Variants in FREM1 observed in about 807,000 individuals in gnomAD.
FREM1 encodes the protein FRAS1 related extracellular matrix 1, also known as FRAS1-related extracellular matrix protein 1.
In FREM1, 220 loss-of-function variants were observed where a neutral mutation model predicts 210.1. That is an observed-to-expected ratio of 1.05 (90% CI 0.94 to 1.17). FREM1 has a LOEUF of 1.17. FREM1 is among the 50% of genes most tolerant of loss of function. The pLI is 0.00. For missense variants in FREM1, 3,454 were observed against 2,675.5 expected (o/e 1.29, Z -6.42); for synonymous variants, 1,189 against 980.2 (o/e 1.21, Z -3.98).
intron 8 of FREM1, 71 bp downstream of exon 8, chr9:14,845,889 T>A: frequency 6.6e-6 from 10 of 1,507,674 alleles, no homozygotes; most frequent in Non-Finnish European, 9.1e-6. Context: ...TACATATATC[T>A]GTTAAATATA....
At chr9:14,779,935 G>T (rs952952613) in intron 24 of FREM1, among the ~76,000 whole-genome samples, 5 of 152,150 alleles carry the variant, frequency 3.3e-5, no homozygotes, top group African/African-American at 1.2e-4. Flanking sequence ...CAGGCAGAGA[G>T]ACATCATCAG....
intron 23 of FREM1, among the ~76,000 whole-genome samples, chr9:14,785,770 G>A (rs1563923920): frequency 6.6e-6 from 1 of 152,126 alleles, no homozygotes; most frequent in Non-Finnish European, 1.5e-5. Flanking sequence ...CAGGGAGGGG[G>A]AAATGAGGAG....
rs1469368763 is a variant in FREM1, at chr9:14,759,985, A to C, written c.5205-84T>G. 104 of 1,175,056 alleles carry C rather than the reference A, an allele frequency of 8.9e-5. 2 individuals are homozygous for C. In the South Asian group the frequency reaches 1.3e-3, roughly 15 times the overall value. The allele number at this position is 1,175,056 out of a possible 1,614,324, so 72.8% of individuals were successfully genotyped here. On this transcript the variant is annotated intron_variant, in intron 27 of 36. Transcript: ENST00000380880. ...CTCTGCTGAGCGGACTAGTGGAAAAACGTGGTTGATCAACCTACACCAGTG... is the reference window on the plus strand; with the variant it reads ...CTCTGCTGAGCGGACTAGTGGAAAACCGTGGTTGATCAACCTACACCAGTG...
At chr9:14,878,857 A>G (rs560279642) in intron 1 of FREM1, among the ~76,000 whole-genome samples, 1 of 152,192 alleles carries the variant, frequency 6.6e-6, no homozygotes, top group Admixed American at 6.5e-5. Context: ...TCTAAAAAGA[A>G]AAAACAAAAA....
intron 21 of FREM1, among the ~76,000 whole-genome samples, chr9:14,794,797 A>T (rs1486671319): frequency 6.6e-6 from 1 of 152,244 alleles, no homozygotes; most frequent in Admixed American, 6.5e-5. Context: ...CAGGAGATCG[A>T]GACCATACTG....
chr9:14,841,627 G>A (rs760952292), intron 9 of FREM1, 38 bp from the exon 10 acceptor site: 1 of 1,477,464 alleles, frequency 6.8e-7, no homozygotes, highest in Non-Finnish European at 9.1e-7. Context: ...TTTTGTACAA[G>A]CCTATCAAAT....
At chr9:14,803,986 C>A (rs1288920854) in intron 19 of FREM1, among the ~76,000 whole-genome samples, 5 of 151,988 alleles carry the variant, frequency 3.3e-5, no homozygotes, top group Non-Finnish European at 7.4e-5. Context: ...TTGTTTCTTG[C>A]AGATTGAATA....
chr9:14,896,117 A>T (rs1043312422), intron 1 of FREM1, among the ~76,000 whole-genome samples: 1 of 150,152 alleles, frequency 6.7e-6, no homozygotes, highest in Admixed American at 6.7e-5. Context: ...GAAGCTGGCC[A>T]AAACTCACCA....
intron 16 of FREM1, among the ~76,000 whole-genome samples, chr9:14,812,257 C>A (rs934544357): frequency 2.4e-4 from 37 of 152,234 alleles, no homozygotes; most frequent in Non-Finnish European, 4.0e-4. Context: ...TAAAGCAATG[C>A]CAAAAATGTA....
intron 27 of FREM1, among the ~76,000 whole-genome samples, chr9:14,768,893 AC>A (rs1846990235): frequency 6.6e-6 from 1 of 152,208 alleles, no homozygotes; most frequent in African/African-American, 2.4e-5. Context: ...GACTACTAAA[AC>A]AAGGATAAGT....
intron 3 of FREM1, among the ~76,000 whole-genome samples, chr9:14,861,086 C>T (rs868385880): frequency 9.5e-5 from 8 of 84,126 alleles, no homozygotes; most frequent in Non-Finnish European, 1.7e-4. Context: ...TACATATATA[C>T]ACATATATAT....
chr9:14,755,519 T>C (rs1159153978), intron 29 of FREM1, among the ~76,000 whole-genome samples: 1 of 152,134 alleles, frequency 6.6e-6, no homozygotes, highest in Non-Finnish European at 1.5e-5. Context: ...CAGATCCATC[T>C]CAAACCCCAG....
intron 1 of FREM1, among the ~76,000 whole-genome samples, chr9:14,881,773 C>T (rs1329904181): frequency 1.3e-5 from 2 of 152,204 alleles, no homozygotes; most frequent in Admixed American, 1.3e-4. Context: ...CACAGTCTCT[C>T]TTGTAGCTAT....
At chr9:14,907,248 C>T (rs1206268290) in intron 1 of FREM1, among the ~76,000 whole-genome samples, 1 of 152,170 alleles carries the variant, frequency 6.6e-6, no homozygotes, top group Non-Finnish European at 1.5e-5. Context: ...AATTTCTTAT[C>T]TTGATGGCCA....
At chr9:14,873,678 T>C (rs1290955239) in intron 1 of FREM1, among the ~76,000 whole-genome samples, 1 of 152,198 alleles carries the variant, frequency 6.6e-6, no homozygotes, top group Non-Finnish European at 1.5e-5. Flanking sequence ...TCAGTTCTGC[T>C]CTGATTTTAG....
At chr9:14,907,412 T>C (rs1276693681) in intron 1 of FREM1, among the ~76,000 whole-genome samples, 2 of 152,160 alleles carry the variant, frequency 1.3e-5, no homozygotes. Flanking sequence ...TTTAAGCCTC[T>C]CACCTGGTAG....
intron 15 of FREM1, among the ~76,000 whole-genome samples, chr9:14,815,925 G>A (rs1820225120): frequency 6.6e-6 from 1 of 152,164 alleles, no homozygotes; most frequent in African/African-American, 2.4e-5. Context: ...TGGGATTACA[G>A]GTGTGAGCCA....
intron 1 of FREM1, among the ~76,000 whole-genome samples, chr9:14,894,547 A>T (rs1383089757): frequency 6.6e-6 from 1 of 152,254 alleles, no homozygotes; most frequent in African/African-American, 2.4e-5. Context: ...AAATGTTCAC[A>T]AATATCAAGC....
At chr9:14,866,383 T>C (rs1831516538) in intron 2 of FREM1, among the ~76,000 whole-genome samples, 1 of 152,180 alleles carries the variant, frequency 6.6e-6, no homozygotes. Flanking sequence ...ACTAAAGATA[T>C]ATAATGGGGA....
Sources: allele counts gnomAD v4.1 joint callset (sites outside exome capture counted in the v4.1 genomes callset), GRCh38; gene constraint gnomAD v4.1.1; transcripts MANE v1.5; gene names NCBI Gene and HGNC (gene_info 2026-07-23, HGNC 2026-07-21).